Variants in SLC24A2 observed in about 807,000 individuals in gnomAD.
The protein encoded by SLC24A2 is solute carrier family 24 member 2.
In SLC24A2, 36 loss-of-function variants were observed where a neutral mutation model predicts 62.0. The observed-to-expected ratio is 0.58, with a 90% CI of 0.44 to 0.77. The LOEUF is 0.77. Among genes scored for constraint, SLC24A2 ranks in the 30% least tolerant of loss-of-function variants. SLC24A2 has a pLI of 0.00. For missense variants in SLC24A2, 846 were observed against 817.9 expected (o/e 1.03, Z -0.42); for synonymous variants, 358 against 294.0 (o/e 1.22, Z -2.23).
At chr9:20,028,275 A>G in the SLC24A2 span, among the ~76,000 whole-genome samples, 6 of 152,302 alleles carry the variant, frequency 3.9e-5, no homozygotes, top group African/African-American at 1.2e-4. Flanking sequence ...GGATTTTACC[A>G]GCCTAAGCTT....
the SLC24A2 span, among the ~76,000 whole-genome samples, chr9:19,805,061 G>A: frequency 6.6e-6 from 1 of 152,084 alleles, no homozygotes; most frequent in African/African-American, 2.4e-5. Flanking sequence ...TGACAAACCA[G>A]CATAGTGATT....
intron 8 of SLC24A2, among the ~76,000 whole-genome samples, chr9:19,529,968 G>C (rs913481544): frequency 2.0e-5 from 3 of 151,760 alleles, no homozygotes; most frequent in African/African-American, 7.3e-5. Flanking sequence ...GGCCAGGCTG[G>C]TTTCAAAATC....
At chr9:19,832,930 G>C in the SLC24A2 span, among the ~76,000 whole-genome samples, 1 of 152,102 alleles carries the variant, frequency 6.6e-6, no homozygotes, top group African/African-American at 2.4e-5. Context: ...AGTGAGCAAA[G>C]GATATGAACA....
chr9:19,917,259 T>G, the SLC24A2 span, among the ~76,000 whole-genome samples: 184 of 151,644 alleles, frequency 1.2e-3, 2 homozygotes, highest in African/African-American at 4.2e-3. Flanking sequence ...ATATCTAATT[T>G]GATTCTTTCC....
At chr9:19,717,169 T>A (rs1023622726) in intron 2 of SLC24A2, among the ~76,000 whole-genome samples, 5 of 152,214 alleles carry the variant, frequency 3.3e-5, no homozygotes, top group Non-Finnish European at 5.9e-5. Flanking sequence ...AAGGTAACAG[T>A]TAATGACTAG....
chr9:20,089,053 C>T, the SLC24A2 span, among the ~76,000 whole-genome samples: 2 of 152,148 alleles, frequency 1.3e-5, no homozygotes, highest in African/African-American at 4.8e-5. Context: ...CTCCAGCCAT[C>T]CCCTGCTGGG....
At chr9:19,851,030 T>A in the SLC24A2 span, among the ~76,000 whole-genome samples, 204 of 104,876 alleles carry the variant, frequency 1.9e-3, 7 homozygotes, top group Non-Finnish European at 3.0e-3. Flanking sequence ...TATACATATT[T>A]TTTTTTTTTT....
intron 5 of SLC24A2, among the ~76,000 whole-genome samples, chr9:19,578,525 C>A (rs1394739322): frequency 6.9e-6 from 1 of 145,122 alleles, no homozygotes; most frequent in Non-Finnish European, 1.5e-5. Flanking sequence ...TCTCAAAACA[C>A]CACAACCCCT....
chr9:20,228,578 T>C, the SLC24A2 span, among the ~76,000 whole-genome samples: 27 of 151,988 alleles, frequency 1.8e-4, no homozygotes, highest in Non-Finnish European at 3.2e-4. Context: ...GGTGGGTGCA[T>C]TGGAGTGAGT....
At chr9:20,154,728 T>A in the SLC24A2 span, among the ~76,000 whole-genome samples, 1 of 151,558 alleles carries the variant, frequency 6.6e-6, no homozygotes, top group South Asian at 2.1e-4. Flanking sequence ...TAAAACTGAC[T>A]TGAAAAATTG....
the SLC24A2 span, among the ~76,000 whole-genome samples, chr9:20,160,157 A>G: frequency 1.3e-5 from 2 of 151,496 alleles, no homozygotes; most frequent in African/African-American, 4.8e-5. Context: ...ATATCAGATA[A>G]CATAAAATTC....
intron 2 of SLC24A2, among the ~76,000 whole-genome samples, chr9:19,629,354 G>A (rs1818119076): frequency 1.3e-5 from 2 of 152,180 alleles, no homozygotes; most frequent in South Asian, 2.1e-4. Context: ...GACTTCCAAT[G>A]GAGGTGAGAA....
the SLC24A2 span, among the ~76,000 whole-genome samples, chr9:20,038,179 C>T: frequency 3.3e-5 from 5 of 152,200 alleles, no homozygotes; most frequent in East Asian, 5.8e-4. Flanking sequence ...AGTTAAGTTT[C>T]TTGCACTTGA....
chr9:19,913,395 T>C, the SLC24A2 span, among the ~76,000 whole-genome samples: 1 of 152,124 alleles, frequency 6.6e-6, no homozygotes, highest in Non-Finnish European at 1.5e-5. Flanking sequence ...CCAGAGTGGA[T>C]ATCTCATCCA....
the SLC24A2 span, among the ~76,000 whole-genome samples, chr9:20,045,313 G>C: frequency 2.6e-5 from 4 of 152,168 alleles, no homozygotes; most frequent in Non-Finnish European, 5.9e-5. Context: ...GTACAAAGCA[G>C]CTGATCTACT....
At chr9:20,021,824 A>C in the SLC24A2 span, among the ~76,000 whole-genome samples, 18 of 151,954 alleles carry the variant, frequency 1.2e-4, no homozygotes, top group Non-Finnish European at 2.5e-4. Context: ...CTGGTCCCCA[A>C]GCAGCCGTCA....
chr9:20,128,439 G>A, the SLC24A2 span, among the ~76,000 whole-genome samples: 17 of 152,152 alleles, frequency 1.1e-4, no homozygotes, highest in Non-Finnish European at 2.4e-4. Context: ...TAATAATAAT[G>A]CTAATAGCAT....
chr9:19,646,337 G>A (rs190525214), intron 2 of SLC24A2, among the ~76,000 whole-genome samples: 15 of 152,246 alleles, frequency 9.9e-5, no homozygotes, highest in African/African-American at 3.1e-4. Context: ...GATCATTTCC[G>A]TTCCCTGAAA....
chr9:20,096,089 G>A, the SLC24A2 span, among the ~76,000 whole-genome samples: 20,110 of 109,376 alleles, frequency 0.18, 1,894 homozygotes, highest in East Asian at 0.54. Context: ...CCATCCATCC[G>A]TCCGTCCGTC....
Sources: allele counts gnomAD v4.1 joint callset (sites outside exome capture counted in the v4.1 genomes callset), GRCh38; gene constraint gnomAD v4.1.1; transcripts MANE v1.5; gene names NCBI Gene and HGNC (gene_info 2026-07-23, HGNC 2026-07-21).